The following DNAH17 variants were observed in gnomAD, a reference collection of about 807,000 sequenced individuals.
The protein encoded by DNAH17 is dynein axonemal heavy chain 17.
In DNAH17, 376 loss-of-function variants were observed where a neutral mutation model predicts 485.6. That is an observed-to-expected ratio of 0.77 (90% CI 0.71 to 0.84). The LOEUF is 0.84. Ranked by LOEUF, DNAH17 falls within the 40% of genes least tolerant of loss-of-function variation. The pLI is 0.00. For missense variants in DNAH17, 6,370 were observed against 5,839.3 expected (o/e 1.09, Z -2.96); for synonymous variants, 3,031 against 2,405.9 (o/e 1.26, Z -7.60).
intron 28 of DNAH17, 24 bp downstream of exon 28, chr17:78,507,434 T>G: frequency 6.2e-7 from 1 of 1,613,664 alleles, no homozygotes; most frequent in African/African-American, 1.3e-5. Context: ...CTGAAGTGCG[T>G]GGGAACCACC....
intron 44 of DNAH17, among the ~76,000 whole-genome samples, chr17:78,486,940 T>A (rs1392781118): frequency 2.0e-5 from 3 of 150,498 alleles, no homozygotes; most frequent in Non-Finnish European, 4.4e-5. Flanking sequence ...TTTCATTACA[T>A]CATCTGGACT....
rs773298694 is a variant in DNAH17 at position 78,475,741 on chromosome 17, G to T, written c.8247C>A (p.Asp2749Glu). ...IGDPKYVPVT[D>E]MAPLNKLLVD... ...CGAGGAGCTTGTTCAGAGGAGCCAT[G>T]TCGGTTACAGGAACATATTTGGGAT... The change falls in exon 53 of 81, where the codon GAC (aspartate) becomes GAA (glutamate). Residue 2749 changes from aspartate to glutamate, a missense_variant. Asp to Glu is a conservative substitution (Grantham distance 45, BLOSUM62 2). Coordinates refer to ENST00000389840, the MANE Select transcript of DNAH17 (RefSeq NM_173628.4). The T allele has an allele frequency of 1.9e-6, 3 of 1,613,932 alleles. No homozygotes were observed. Among genetic ancestry groups the T allele is most frequent in the Non-Finnish European group, 2.5e-6 (3 of 1,179,862 alleles).
chr17:78,470,389 A>G (rs1431806112), intron 54 of DNAH17, among the ~76,000 whole-genome samples: 3 of 149,780 alleles, frequency 2.0e-5, no homozygotes, highest in Non-Finnish European at 1.5e-5. Flanking sequence ...TTTGTCTTAG[A>G]AAAAAAAATT....
chr17:78,502,006 C>A, intron 33 of DNAH17, 133 bp from the exon 34 acceptor site: 1 of 1,288,550 alleles, frequency 7.8e-7, no homozygotes, highest in East Asian at 2.4e-5. Flanking sequence ...ACAAGAGCGC[C>A]CTCGGTAGGC....
chr17:78,504,180 C>T (rs1182680912), intron 31 of DNAH17, among the ~76,000 whole-genome samples: 2 of 151,862 alleles, frequency 1.3e-5, no homozygotes, highest in African/African-American at 4.8e-5. Flanking sequence ...ACTCTCATGC[C>T]TCAACCTCCC....
rs746129508 is a variant in DNAH17, at chr17:78,461,682, C to A, written c.9201G>T (p.Ala3067=). The change falls in exon 58 of 81, where the codon GCG becomes GCT. Residue 3067 remains alanine (A), a synonymous_variant. Transcript: ENST00000389840. ...TCTGCTTGAGCTCAGCCTCCTGAATCGCCAACTTGGCTTTCAAATCATCCA... is the reference window on the plus strand; with the variant it reads ...TCTGCTTGAGCTCAGCCTCCTGAATAGCCAACTTGGCTTTCAAATCATCCA... The part of the protein sequence containing the change: ...SQVDDLKAKL[A]IQEAELKQKN... The A allele has an allele frequency of 5.0e-6, 8 of 1,610,192 alleles. No homozygotes were observed. The highest frequency in any genetic ancestry group is 6.8e-6 in the Non-Finnish European group (8 of 1,178,822).
intron 52 of DNAH17, among the ~76,000 whole-genome samples, 166 bp downstream of exon 52, chr17:78,476,381 TGCCGGAGTTATCGCGTGGAACCCTC>T (rs2089025053): frequency 1.3e-5 from 2 of 151,494 alleles, no homozygotes; most frequent in African/African-American, 2.4e-5. Flanking sequence ...CACAGCCACG[TGCCGGAGTTATCGCGTGGAACCCTC>T]GGATCCACAG....
chr17:78,558,447 C>CTGACATCACCCTCATGGGTGGA lies in DNAH17; in HGVS notation c.2032-215_2032-194dup, dbSNP rs1325730310. On this transcript the variant is annotated intron_variant, in intron 13 of 80. Transcript: ENST00000389840. ...TTGGCTGATCCTGAGCCGGAAAGCA[C>CTGACATCACCCTCATGGGTGGA]TGACATCACCCTCATGGGTGGATGA... Among the ~76,000 whole-genome samples the CTGACATCACCCTCATGGGTGGA allele has an allele frequency of 0.18, 16,486 of 89,508 alleles. 5,285 individuals are homozygous for CTGACATCACCCTCATGGGTGGA. The highest frequency in any genetic ancestry group is 0.24 in the Middle Eastern group (43 of 176). 58.7% of individuals were successfully genotyped at this position (89,508 alleles called of 152,430 possible).
intron 58 of DNAH17, 63 bp from the exon 59 acceptor site, chr17:78,460,320 ACGTGCATGTG>A (rs2088040028): frequency 9.2e-7 from 1 of 1,081,250 alleles, no homozygotes; most frequent in African/African-American, 2.4e-5. Flanking sequence ...GGGGGCGTGT[ACGTGCATGTG>A]TGTGCATGTG....
In DNAH17 at chr17:78,500,452, G is replaced by A. The variant is rs532058437; in HGVS notation, c.5493C>T (p.Ile1831=). The A allele has an allele frequency of 5.7e-6, 9 of 1,577,612 alleles. No individual in the cohort carries two copies. In the South Asian group the frequency reaches 8.1e-5, roughly 14 times the overall value. Residue 1831 remains isoleucine (I), a synonymous_variant, in exon 36 of 81, where the codon ATC becomes ATT. Coordinates refer to ENST00000389840, the MANE Select transcript of DNAH17 (RefSeq NM_173628.4). The part of the protein sequence containing the change: ...VITPLTDRCY[I]TLTQSLHLIM... ...TGAGATGGAGGGACTGGGTCAGGGT[G>A]ATATAGCACCTGCAAGTGACCACAG...
At chr17:78,512,275 T>C (rs2090655797) in intron 26 of DNAH17, among the ~76,000 whole-genome samples, 1 of 152,226 alleles carries the variant, frequency 6.6e-6, no homozygotes. Context: ...CCGTTGTTCT[T>C]GCATTCTTTC....
chr17:78,516,695 A>G (rs1190671686), intron 25 of DNAH17, among the ~76,000 whole-genome samples: 56 of 82,346 alleles, frequency 6.8e-4, no homozygotes, highest in Admixed American at 1.7e-3. Context: ...ATCTCAGAAA[A>G]AAAAAAAAAA....
rs373043477 is a variant in DNAH17, at chr17:78,505,610, G to A, written c.4804-165C>T. Among the ~76,000 whole-genome samples the A allele has an allele frequency of 7.2e-5, 11 of 152,318 alleles. No homozygotes were observed. In the South Asian group the frequency reaches 8.3e-4, roughly 11 times the overall value. On this transcript the variant is annotated intron_variant, in intron 30 of 80. Transcript: ENST00000389840. ...GACTAAGTCAACAAAAGGAACCAGC[G>A]AAGACTGCTCTGAGTCAGGACACAG...
intron 62 of DNAH17, among the ~76,000 whole-genome samples, chr17:78,456,276 G>C (rs1178506151): frequency 6.6e-6 from 1 of 152,160 alleles, no homozygotes. Flanking sequence ...TCCAGCCTGG[G>C]TAACAGAGCA....
chr17:78,484,639 G>C lies in DNAH17; in HGVS notation c.7649+229C>G, dbSNP rs373138305. The C allele has an allele frequency of 2.3e-4, 80 of 341,552 alleles. No homozygotes were observed. The South Asian group carries it at 4.5e-3, about 19-fold the overall frequency. 21.2% of individuals were successfully genotyped at this position (341,552 alleles called of 1,614,324 possible). A position where few individuals can be genotyped will look rare whatever the true frequency, so the allele number is the denominator to read the frequency against. ...TGTGAAATGGGTGATGGACGAAACT[G>C]ATAGAACCTCTCCCCTACCCTGGCC... On this transcript the variant is annotated intron_variant, in intron 48 of 80. Coordinates refer to ENST00000389840, the MANE Select transcript of DNAH17 (RefSeq NM_173628.4).
chr17:78,501,522 C>T (rs1310422820), intron 34 of DNAH17, 178 bp from the exon 35 acceptor site: 1 of 979,388 alleles, frequency 1.0e-6, no homozygotes, highest in Admixed American at 2.9e-5. Flanking sequence ...AATCTCGCTA[C>T]AGAATGGCAC....
At chr17:78,491,961 A>G (rs569999196) in intron 42 of DNAH17, among the ~76,000 whole-genome samples, 41 of 152,282 alleles carry the variant, frequency 2.7e-4, no homozygotes, top group Middle Eastern at 3.4e-3. Context: ...CAGGCATGGA[A>G]TGGAGCAAGG....
Position 78,463,137 on chromosome 17 carries a change from G to A in DNAH17, c.8941-60C>T, listed in dbSNP as rs182384362. 118 of 1,526,062 alleles carry A rather than the reference G, an allele frequency of 7.7e-5. No individual in the cohort carries two copies. In the African/African-American group the frequency reaches 1.4e-3, roughly 18 times the overall value. 94.5% of individuals were successfully genotyped at this position (1,526,062 alleles called of 1,614,324 possible). The stretch of plus-strand genomic sequence containing the variant: ...CCCATCCTGCAAATCAGCAAAGTGG[G>A]GCTCCCCAGACTCACCAGGGGCCCT... On this transcript the variant is annotated intron_variant, in intron 56 of 80. Coordinates refer to ENST00000389840, the MANE Select transcript of DNAH17 (RefSeq NM_173628.4).
intron 25 of DNAH17, among the ~76,000 whole-genome samples, chr17:78,515,779 C>T (rs976481661): frequency 2.0e-5 from 3 of 152,230 alleles, no homozygotes; most frequent in African/African-American, 7.2e-5. Context: ...CAGGAAACAA[C>T]TGCTTGGAAC....
Sources: allele counts gnomAD v4.1 joint callset (sites outside exome capture counted in the v4.1 genomes callset), GRCh38; gene constraint gnomAD v4.1.1; transcripts MANE v1.5; gene names NCBI Gene and HGNC (gene_info 2026-07-23, HGNC 2026-07-21).